PIK3C2A: variants seen among roughly 807,000 people sequenced by gnomAD.
PIK3C2A encodes phosphatidylinositol-4-phosphate 3-kinase catalytic subunit type 2 alpha.
In PIK3C2A, 97 loss-of-function variants were observed where a neutral mutation model predicts 204.5. That is an observed-to-expected ratio of 0.47 (90% CI 0.40 to 0.56). The LOEUF (loss-of-function observed/expected upper bound fraction) is 0.56. Among genes scored for constraint, PIK3C2A ranks in the 20% least tolerant of loss-of-function variants. The pLI is 0.00. For missense variants in PIK3C2A, 1,735 were observed against 1,969.2 expected, an observed-to-expected ratio of 0.88 and a Z score of 2.25; for synonymous variants, 653 against 664.4, an observed-to-expected ratio of 0.98 and a Z score of 0.26.
intron 1 of PIK3C2A, among the ~76,000 whole-genome samples, chr11:17,204,569 C>T (rs1439895740): frequency 6.6e-6 from 1 of 152,158 alleles, no homozygotes; most frequent in Non-Finnish European, 1.5e-5. Flanking sequence ...TTTCCATCTC[C>T]CAGCCCAGGT....
intron 27 of PIK3C2A, among the ~76,000 whole-genome samples, chr11:17,095,785 C>T (rs2137270972): frequency 6.6e-6 from 1 of 150,830 alleles, no homozygotes; most frequent in South Asian, 2.1e-4. Context: ...TGTGCTGGCG[C>T]ATGCCTGTAG....
At chr11:17,132,818 C>T (rs1849743828) in intron 11 of PIK3C2A, among the ~76,000 whole-genome samples, 1 of 152,156 alleles carries the variant, frequency 6.6e-6, no homozygotes, top group Non-Finnish European at 1.5e-5. Flanking sequence ...AGCCAATCTT[C>T]CTAGTCTATT....
In PIK3C2A at chr11:17,092,113, A is replaced by G. The variant is rs372579771; in HGVS notation, c.4570-45T>C. ...AATTCATTAGTTTAAATATTATGTA[A>G]CACAAAAGGTATAAGATGTTATTAC... On this transcript the variant is annotated intron_variant, in intron 29 of 32. Coordinates refer to ENST00000691414, the MANE Select transcript of PIK3C2A (RefSeq NM_002645.4). The G allele has an allele frequency of 2.6e-5, 39 of 1,495,828 alleles. No homozygotes were observed. In the African/African-American group the frequency reaches 3.7e-4, roughly 14 times the overall value. The allele number at this position is 1,495,828 out of a possible 1,614,324, so 92.7% of individuals were successfully genotyped here.
chr11:17,094,466 G>A (rs539983906), intron 27 of PIK3C2A, 81 bp from the exon 28 acceptor site: 12 of 1,145,066 alleles, frequency 1.0e-5, no homozygotes, highest in Middle Eastern at 3.1e-4. Context: ...GCTCATGCCT[G>A]TAATCCCAGC....
chr11:17,144,433 C>T (rs1380217267), intron 8 of PIK3C2A, among the ~76,000 whole-genome samples: 1 of 152,162 alleles, frequency 6.6e-6, no homozygotes, highest in African/African-American at 2.4e-5. Context: ...ATTTTCATAA[C>T]TCTAGCATTC....
chr11:17,176,767 C>G (rs913893997), intron 1 of PIK3C2A, among the ~76,000 whole-genome samples: 1 of 152,016 alleles, frequency 6.6e-6, no homozygotes, highest in African/African-American at 2.4e-5. Context: ...GCCTGGGGGA[C>G]AGAATGAGTT....
At chr11:17,111,660 T>A (rs1017982390) in intron 21 of PIK3C2A, among the ~76,000 whole-genome samples, 1 of 151,904 alleles carries the variant, frequency 6.6e-6, no homozygotes. Flanking sequence ...GCAGATCACC[T>A]GAAGTTAGGA....
intron 2 of PIK3C2A, among the ~76,000 whole-genome samples, chr11:17,166,427 T>C (rs1850950769): frequency 6.6e-6 from 1 of 152,228 alleles, no homozygotes; most frequent in African/African-American, 2.4e-5. Flanking sequence ...CTTAAGATGA[T>C]GACTACATTG....
intron 26 of PIK3C2A, among the ~76,000 whole-genome samples, chr11:17,099,112 CT>C (rs1451198381): frequency 1.3e-5 from 2 of 152,152 alleles, no homozygotes; most frequent in Non-Finnish European, 2.9e-5. Context: ...TCAGGATGGT[CT>C]TGAACTCCCA....
intron 32 of PIK3C2A, among the ~76,000 whole-genome samples, chr11:17,090,321 G>C (rs921580816): frequency 1.4e-4 from 22 of 152,108 alleles, no homozygotes; most frequent in African/African-American, 5.3e-4. Context: ...TACAAAATCA[G>C]CCAGGCGTGG....
chr11:17,123,245 G>GTT (rs562808948), intron 13 of PIK3C2A, among the ~76,000 whole-genome samples: 1 of 152,012 alleles, frequency 6.6e-6, no homozygotes, highest in Non-Finnish European at 1.5e-5. Flanking sequence ...AACAAAACAC[G>GTT]TTTTTTTGTT....
chr11:17,103,200 TAG>T (rs1193257223), intron 23 of PIK3C2A, among the ~76,000 whole-genome samples: 1 of 31,998 alleles, frequency 3.1e-5, no homozygotes, highest in Non-Finnish European at 1.4e-4. Flanking sequence ...ACATGATGGA[TAG>T]AAGATTTTTT....
At chr11:17,103,344 C>T (rs1473922778) in intron 23 of PIK3C2A, among the ~76,000 whole-genome samples, 1 of 152,072 alleles carries the variant, frequency 6.6e-6, no homozygotes, top group Non-Finnish European at 1.5e-5. Context: ...TAAGTCCTCC[C>T]TCTCCTGGGG....
intron 2 of PIK3C2A, among the ~76,000 whole-genome samples, chr11:17,158,592 ATCTG>A (rs1850678752): frequency 1.3e-5 from 2 of 152,064 alleles, no homozygotes; most frequent in South Asian, 4.1e-4. Flanking sequence ...CACCATGCTA[ATCTG>A]TCTCTCAAAA....
At chr11:17,192,001 C>G (rs1361852593) in intron 1 of PIK3C2A, among the ~76,000 whole-genome samples, 1 of 151,478 alleles carries the variant, frequency 6.6e-6, no homozygotes, top group Non-Finnish European at 1.5e-5. Context: ...GAAAAATTAG[C>G]CAGCGTGGTG....
intron 15 of PIK3C2A, among the ~76,000 whole-genome samples, chr11:17,120,239 T>C (rs1849327744): frequency 1.3e-5 from 2 of 152,148 alleles, no homozygotes; most frequent in South Asian, 4.1e-4. Context: ...AAAAATTTAT[T>C]GAGCTCTAAC....
intron 12 of PIK3C2A, among the ~76,000 whole-genome samples, chr11:17,130,574 G>A (rs1236311): frequency 0.24 from 36,064 of 151,862 alleles, 5,244 homozygotes; most frequent in East Asian, 0.38. Flanking sequence ...GGAGGCCAAG[G>A]TGGGCGGATC....
intron 25 of PIK3C2A, among the ~76,000 whole-genome samples, chr11:17,100,769 C>A (rs1480202544): frequency 2.0e-5 from 3 of 152,178 alleles, no homozygotes; most frequent in Non-Finnish European, 4.4e-5. Context: ...TAAGTGAGAA[C>A]ACACAATATT....
chr11:17,197,084 G>A (rs1289278516), intron 1 of PIK3C2A, among the ~76,000 whole-genome samples: 1 of 151,808 alleles, frequency 6.6e-6, no homozygotes, highest in Non-Finnish European at 1.5e-5. Context: ...GGATCACAAG[G>A]TCAGGAGGCT....
Sources: allele counts gnomAD v4.1 joint callset (sites outside exome capture counted in the v4.1 genomes callset), GRCh38; gene constraint gnomAD v4.1.1; transcripts MANE v1.5; gene names NCBI Gene and HGNC (gene_info 2026-07-23, HGNC 2026-07-21).